Variants in ZNF697 observed in about 807,000 individuals in gnomAD.
The protein encoded by ZNF697 is zinc finger protein 697.
ZNF697 carries 23 observed loss-of-function variants against 32.4 expected under a neutral mutation model. That is an observed-to-expected ratio of 0.71 (90% CI 0.51 to 1.01). The LOEUF (loss-of-function observed/expected upper bound fraction) is 1.01. ZNF697 is among the 50% of genes least tolerant of loss of function. ZNF697 has a pLI of 0.00. For missense variants in ZNF697, 930 were observed against 794.0 expected (o/e 1.17, Z -2.06); for synonymous variants, 418 against 337.2 (o/e 1.24, Z -2.62).
At chr1:119,642,179 G>A (rs1423706922) in intron 1 of ZNF697, among the ~76,000 whole-genome samples, 1 of 152,202 alleles carries the variant, frequency 6.6e-6, no homozygotes, top group Non-Finnish European at 1.5e-5. Flanking sequence ...AAACTATGGA[G>A]ACAGTAAAAA....
chr1:119,624,470 A>G (rs1040005749), intron 2 of ZNF697, among the ~76,000 whole-genome samples: 1 of 152,266 alleles, frequency 6.6e-6, no homozygotes, highest in Admixed American at 6.5e-5. Flanking sequence ...AGATCTCAGG[A>G]GAAAAGGTTT....
Position 119,648,163 on chromosome 1 carries a change from C to T in ZNF697, c.-510G>A, listed in dbSNP as rs1255173874. On this transcript the variant is annotated 5_prime_UTR_variant, in exon 1 of 3. Coordinates refer to ENST00000421812, the MANE Select transcript of ZNF697 (RefSeq NM_001080470.2). ...CGCGTCTGCCCTTGTGCGGCGGCGG[C>T]GGCTGCAGCGGCCGCTGGGTGGCCC... Among the ~76,000 whole-genome samples the T allele has an allele frequency of 6.6e-6, 1 of 151,350 alleles. No individual in the cohort carries two copies. The highest frequency in any genetic ancestry group is 1.5e-5 in the Non-Finnish European group (1 of 67,742).
At chr1:119,646,702 G>C (rs1016614773) in intron 1 of ZNF697, among the ~76,000 whole-genome samples, 3 of 152,042 alleles carry the variant, frequency 2.0e-5, no homozygotes, top group Non-Finnish European at 4.4e-5. Flanking sequence ...TCCACATGTT[G>C]GCTTGTTGAG....
chr1:119,643,696 G>A (rs1649137161), intron 1 of ZNF697, among the ~76,000 whole-genome samples: 1 of 152,094 alleles, frequency 6.6e-6, no homozygotes, highest in South Asian at 2.1e-4. Flanking sequence ...AGATGTGCAT[G>A]ACATCTGAGA....
intron 1 of ZNF697, among the ~76,000 whole-genome samples, chr1:119,647,252 C>T (rs1056586400): frequency 6.6e-6 from 1 of 152,188 alleles, no homozygotes; most frequent in Non-Finnish European, 1.5e-5. Context: ...CCCACTCCTC[C>T]CAACACGCGC....
intron 1 of ZNF697, among the ~76,000 whole-genome samples, chr1:119,637,848 C>T (rs1358066814): frequency 6.6e-6 from 1 of 151,828 alleles, no homozygotes; most frequent in Admixed American, 6.6e-5. Context: ...TTTGAATTAG[C>T]ATTGAGTTAA....
Position 119,621,493 on chromosome 1 carries a change from AT to A in ZNF697, c.*1211del, listed in dbSNP as rs1648309266. 1 of 152,642 alleles carries A rather than the reference AT, an allele frequency of 6.6e-6. No individual in the cohort carries two copies. The highest frequency in any genetic ancestry group is 2.4e-5 in the African/African-American group (1 of 41,462). 9.5% of individuals were successfully genotyped at this position (152,642 alleles called of 1,614,324 possible). ...CATTCATTGTTTGTGCTATTTGGCA[AT>A]TTTGCATTTACACCTCTCCCTGACT... On this transcript the variant is annotated 3_prime_UTR_variant, in exon 3 of 3. Coordinates refer to ENST00000421812, the MANE Select transcript of ZNF697 (RefSeq NM_001080470.2).
chr1:119,638,107 C>G (rs1180539290), intron 1 of ZNF697, among the ~76,000 whole-genome samples: 1 of 152,180 alleles, frequency 6.6e-6, no homozygotes, highest in African/African-American at 2.4e-5. Flanking sequence ...GGGAGACTGC[C>G]TCATTCTGCA....
At chr1:119,641,046 GAA>G (rs1236224130) in intron 1 of ZNF697, among the ~76,000 whole-genome samples, 1 of 152,192 alleles carries the variant, frequency 6.6e-6, no homozygotes, top group East Asian at 1.9e-4. Context: ...AGGCTCTTAA[GAA>G]AGTTAGTAAA....
In ZNF697 at chr1:119,622,951, G is replaced by T; in HGVS notation, c.1392C>A (p.Pro464=). 6.2e-7 allele frequency: 1 copy of T among 1,604,532 alleles called. No homozygotes were observed. Among genetic ancestry groups the T allele is most frequent in the East Asian group, 2.3e-5 (1 of 44,374 alleles). ...GCTTCTCGCACTGGCCACAGCGGAA[G>T]GGCTTCTCGCCGGTGTGCACGCGCA... ...NHLRVHTGEK[P]FRCGQCEKRF... is the part of the protein sequence containing the mutation. Residue 464 remains proline (P), a synonymous_variant, in exon 3 of 3, where the codon CCC becomes CCA. Coordinates refer to ENST00000421812, the MANE Select transcript of ZNF697 (RefSeq NM_001080470.2).
chr1:119,643,399 A>G (rs1485996368), intron 1 of ZNF697, among the ~76,000 whole-genome samples: 7 of 152,168 alleles, frequency 4.6e-5, no homozygotes, highest in Non-Finnish European at 8.8e-5. Flanking sequence ...TGTTTATACC[A>G]GGGCTTTCAA....
At position 119,624,430 on chromosome 1, in the gene ZNF697, T is replaced by G. The variant is rs587610553; in HGVS notation, c.227-314A>C. On this transcript the variant is annotated intron_variant, in intron 2 of 2. Coordinates refer to ENST00000421812, the MANE Select transcript of ZNF697 (RefSeq NM_001080470.2). ...GCCTGACTGCCTGTGTTCAGGATAT[T>G]CAAGTCTGTGCCAGGTGGGACACTA... Among the ~76,000 whole-genome samples, 6 of 152,336 alleles carry G rather than the reference T, an allele frequency of 3.9e-5. No homozygotes were observed. In the South Asian group the frequency reaches 1.2e-3, roughly 32 times the overall value.
At chr1:119,640,559 G>A (rs1315386216) in intron 1 of ZNF697, among the ~76,000 whole-genome samples, 2 of 152,178 alleles carry the variant, frequency 1.3e-5, no homozygotes, top group African/African-American at 2.4e-5. Flanking sequence ...ATGCCCCTGT[G>A]TGGGTCCTCC....
intron 1 of ZNF697, among the ~76,000 whole-genome samples, chr1:119,633,549 C>A (rs192715966): frequency 7.9e-5 from 12 of 152,290 alleles, no homozygotes; most frequent in African/African-American, 2.4e-4. Flanking sequence ...TCTGTTTGTT[C>A]TATTCAGGTT....
intron 1 of ZNF697, among the ~76,000 whole-genome samples, chr1:119,635,003 A>G (rs1247619875): frequency 2.0e-5 from 3 of 152,206 alleles, no homozygotes; most frequent in Non-Finnish European, 4.4e-5. Flanking sequence ...CTCCCGGACA[A>G]AGGGGAAGGG....
rs1289716830 is a variant in ZNF697, at chr1:119,619,466, G to T, written c.*3239C>A. On this transcript the variant is annotated 3_prime_UTR_variant, in exon 3 of 3. Coordinates refer to ENST00000421812, the MANE Select transcript of ZNF697 (RefSeq NM_001080470.2). ...TAATGACAAATATTCCATATTGGTT[G>T]CTGAACACCAGAATGCTGTCCAAGG... The T allele has an allele frequency of 6.6e-6, 1 of 152,224 alleles. No homozygotes were observed. 9.4% of individuals were successfully genotyped at this position (152,224 alleles called of 1,614,324 possible). A position where few individuals can be genotyped will look rare whatever the true frequency, so the allele number is the denominator to read the frequency against.
chr1:119,639,163 A>G (rs1275064616), intron 1 of ZNF697, among the ~76,000 whole-genome samples: 1 of 152,124 alleles, frequency 6.6e-6, no homozygotes, highest in Non-Finnish European at 1.5e-5. Flanking sequence ...TCTTACTCAG[A>G]AGCTCAAAAC....
At chr1:119,631,237 C>T (rs893732934) in intron 1 of ZNF697, among the ~76,000 whole-genome samples, 10 of 152,264 alleles carry the variant, frequency 6.6e-5, no homozygotes, top group Admixed American at 6.5e-4. Flanking sequence ...GTCACGCGGC[C>T]CCTGGCGTGG....
At chr1:119,627,511 A>T (rs993554849) in intron 1 of ZNF697, among the ~76,000 whole-genome samples, 1 of 152,216 alleles carries the variant, frequency 6.6e-6, no homozygotes, top group East Asian at 1.9e-4. Flanking sequence ...TACTGCAGAG[A>T]GTAACTGATG....
Sources: allele counts gnomAD v4.1 joint callset (sites outside exome capture counted in the v4.1 genomes callset), GRCh38; gene constraint gnomAD v4.1.1; transcripts MANE v1.5; gene names NCBI Gene and HGNC (gene_info 2026-07-23, HGNC 2026-07-21).